The following CNTNAP2 variants were observed in gnomAD, a reference collection of about 807,000 sequenced individuals.
CNTNAP2 encodes contactin associated protein 2.
CNTNAP2 carries 98 observed loss-of-function variants against 155.2 expected under a neutral mutation model. That is an observed-to-expected ratio of 0.63 (90% CI 0.54 to 0.75). The LOEUF (loss-of-function observed/expected upper bound fraction) is 0.75. Ranked by LOEUF, CNTNAP2 falls within the 30% of genes least tolerant of loss-of-function variation. CNTNAP2 has a pLI of 0.00. For missense variants in CNTNAP2, 1,727 were observed against 1,688.1 expected, an observed-to-expected ratio of 1.02 and a Z score of -0.40; for synonymous variants, 651 against 631.2, an observed-to-expected ratio of 1.03 and a Z score of -0.47.
At chr7:147,632,572 G>A (rs925028233) in intron 12 of CNTNAP2, among the ~76,000 whole-genome samples, 4 of 152,132 alleles carry the variant, frequency 2.6e-5, no homozygotes, top group African/African-American at 9.7e-5. Flanking sequence ...GAAACTAAGA[G>A]TCAATTAAAA....
chr7:147,036,350 T>C (rs1157965515), intron 3 of CNTNAP2, among the ~76,000 whole-genome samples: 1 of 152,206 alleles, frequency 6.6e-6, no homozygotes, highest in Non-Finnish European at 1.5e-5. Context: ...TTTTCAGTTA[T>C]TAAAACTTCA....
chr7:147,597,322 C>T (rs915103249), intron 12 of CNTNAP2, among the ~76,000 whole-genome samples: 3 of 152,106 alleles, frequency 2.0e-5, no homozygotes, highest in Non-Finnish European at 4.4e-5. Flanking sequence ...GCCCCTCACT[C>T]CCAACCCAGC....
chr7:146,125,697 A>C (rs530621970), intron 1 of CNTNAP2, among the ~76,000 whole-genome samples: 1 of 151,956 alleles, frequency 6.6e-6, no homozygotes, highest in Non-Finnish European at 1.5e-5. Context: ...TGCTTCTACC[A>C]TTAAGAACAT....
At chr7:147,044,365 A>G (rs1313815756) in intron 4 of CNTNAP2, among the ~76,000 whole-genome samples, 1 of 152,128 alleles carries the variant, frequency 6.6e-6, no homozygotes, top group Non-Finnish European at 1.5e-5. Context: ...TATTAATAAA[A>G]TTGCCTTGCC....
chr7:146,969,094 G>T (rs1414604076), intron 3 of CNTNAP2, among the ~76,000 whole-genome samples: 13 of 150,366 alleles, frequency 8.6e-5, no homozygotes, highest in Non-Finnish European at 1.6e-4. Context: ...GGAGCAGGTT[G>T]TTCAGTTTCC....
At chr7:146,376,272 C>T (rs1795302117) in intron 1 of CNTNAP2, among the ~76,000 whole-genome samples, 2 of 152,050 alleles carry the variant, frequency 1.3e-5, no homozygotes, top group South Asian at 2.1e-4. Context: ...AGTTTAATTG[C>T]ACTTCTTGTG....
intron 1 of CNTNAP2, among the ~76,000 whole-genome samples, chr7:146,661,732 C>CTTTCTTTT (rs1554464100): frequency 4.1e-5 from 6 of 145,042 alleles, no homozygotes; most frequent in African/African-American, 1.5e-4. Flanking sequence ...TTCTTTCTTT[C>CTTTCTTTT]TTTTTTTTTT....
Position 147,548,489 on chromosome 7 carries a change from G to A in CNTNAP2, c.1778-13649G>A, listed in dbSNP as rs942332507. ...TCTTATAAATATGTTTAAGTTCCTT[G>A]TAAATTCTGGATATTAGACCTTTGT... On this transcript the variant is annotated intron_variant, in intron 11 of 23. Coordinates refer to ENST00000361727, the MANE Select transcript of CNTNAP2 (RefSeq NM_014141.6). 9.1e-4 allele frequency among the ~76,000 whole-genome samples: 139 copies of A among 152,208 alleles called. 2 individuals carry two copies. The highest frequency in any genetic ancestry group is 9.1e-3 in the Admixed American group (139 of 15,272).
chr7:146,697,831 C>T (rs925982557), intron 1 of CNTNAP2, among the ~76,000 whole-genome samples: 3 of 152,028 alleles, frequency 2.0e-5, no homozygotes, highest in African/African-American at 7.2e-5. Flanking sequence ...TTTATAACTG[C>T]TTTCTAGCCA....
At chr7:147,921,174 A>G (rs1800273157) in intron 14 of CNTNAP2, among the ~76,000 whole-genome samples, 1 of 151,076 alleles carries the variant, frequency 6.6e-6, no homozygotes, top group South Asian at 2.1e-4. Flanking sequence ...TTTATTTTTT[A>G]TTTTCATAAT....
At chr7:146,625,775 C>T (rs1166196535) in intron 1 of CNTNAP2, among the ~76,000 whole-genome samples, 1 of 151,892 alleles carries the variant, frequency 6.6e-6, no homozygotes, top group Non-Finnish European at 1.5e-5. Flanking sequence ...TTCAGTAATT[C>T]TCATAAGTAA....
chr7:146,304,556 T>C (rs1294478882), intron 1 of CNTNAP2, among the ~76,000 whole-genome samples: 2 of 152,106 alleles, frequency 1.3e-5, no homozygotes, highest in African/African-American at 4.8e-5. Context: ...TATGAAATTC[T>C]GGGTTGGAAA....
At chr7:148,396,458 C>T (rs1424986116) in intron 22 of CNTNAP2, among the ~76,000 whole-genome samples, 2 of 152,278 alleles carry the variant, frequency 1.3e-5, no homozygotes, top group Middle Eastern at 3.4e-3. Context: ...TCTTTTACGG[C>T]CTCATTTAAA....
At chr7:146,813,877 AG>A (rs769419685) in intron 2 of CNTNAP2, among the ~76,000 whole-genome samples, 9 of 152,120 alleles carry the variant, frequency 5.9e-5, no homozygotes, top group Non-Finnish European at 1.0e-4. Context: ...TTCTTATGGT[AG>A]TGAGTGAGTT....
At chr7:147,280,740 T>A (rs930553618) in intron 8 of CNTNAP2, among the ~76,000 whole-genome samples, 4 of 151,996 alleles carry the variant, frequency 2.6e-5, no homozygotes, top group Non-Finnish European at 5.9e-5. Context: ...GAAATTGTTC[T>A]GATGTACTAT....
At chr7:146,949,021 A>G (rs1489873416) in intron 3 of CNTNAP2, among the ~76,000 whole-genome samples, 1 of 152,184 alleles carries the variant, frequency 6.6e-6, no homozygotes, top group Non-Finnish European at 1.5e-5. Flanking sequence ...TTACTTTTGC[A>G]AGTTTTATGA....
At chr7:147,569,800 C>T (rs867490905) in intron 12 of CNTNAP2, among the ~76,000 whole-genome samples, 1 of 152,232 alleles carries the variant, frequency 6.6e-6, no homozygotes, top group African/African-American at 2.4e-5. Context: ...TCCACAGTTT[C>T]TGTGTGTCAA....
chr7:148,034,186 T>C (rs1039216701), intron 15 of CNTNAP2, among the ~76,000 whole-genome samples: 1 of 152,218 alleles, frequency 6.6e-6, no homozygotes, highest in African/African-American at 2.4e-5. Flanking sequence ...AACAGATGAA[T>C]TTCAAGTGAT....
chr7:148,057,247 G>T (rs569566046), intron 15 of CNTNAP2, among the ~76,000 whole-genome samples: 1 of 152,036 alleles, frequency 6.6e-6, no homozygotes, highest in Admixed American at 6.5e-5. Context: ...GTAGGAGGGT[G>T]CACAAGTAGC....
Sources: gnomAD v4.1 joint callset for allele counts (sites outside exome capture counted in the v4.1 genomes callset) on GRCh38, gnomAD v4.1.1 for gene constraint, MANE v1.5 for transcripts, NCBI Gene and HGNC (gene_info 2026-07-23, HGNC 2026-07-21) for gene names.